Variants in COL25A1 observed in about 807,000 individuals in gnomAD.
COL25A1 encodes the protein collagen type XXV alpha 1 chain, also known as collagen alpha-1(XXV) chain.
In COL25A1, 103 loss-of-function variants were observed where a neutral mutation model predicts 128.4. The observed-to-expected ratio is 0.80, with a 90% CI of 0.68 to 0.94. COL25A1 has a LOEUF of 0.94. COL25A1 is among the 40% of genes least tolerant of loss of function. COL25A1 has a pLI of 0.00. For missense variants in COL25A1, 745 were observed against 840.0 expected (o/e 0.89, Z 1.40); for synonymous variants, 279 against 277.2 (o/e 1.01, Z -0.06).
intron 8 of COL25A1, among the ~76,000 whole-genome samples, chr4:108,950,123 C>G (rs545339367): frequency 6.6e-6 from 1 of 152,234 alleles, no homozygotes; most frequent in South Asian, 2.1e-4. Flanking sequence ...CTGCATCAAG[C>G]TCTTAGACGA....
intron 5 of COL25A1, chr4:109,021,844 C>A (rs1002123530): frequency 7.1e-6 from 3 of 422,350 alleles, no homozygotes; most frequent in Non-Finnish European, 1.4e-5. Context: ...CTGAGATACA[C>A]CCTGGTCTCC....
chr4:109,186,112 C>T (rs917559428), intron 3 of COL25A1, among the ~76,000 whole-genome samples: 1 of 152,152 alleles, frequency 6.6e-6, no homozygotes, highest in Admixed American at 6.5e-5. Context: ...TGTCATTCTT[C>T]CGACCTTCCA....
At chr4:109,071,048 A>G (rs1453494258) in intron 3 of COL25A1, among the ~76,000 whole-genome samples, 3 of 152,150 alleles carry the variant, frequency 2.0e-5, no homozygotes, top group Non-Finnish European at 4.4e-5. Flanking sequence ...TTCAAACTAT[A>G]CCACAAGGCT....
intron 6 of COL25A1, among the ~76,000 whole-genome samples, chr4:109,005,599 G>A (rs769499076): frequency 3.0e-4 from 46 of 152,276 alleles, no homozygotes; most frequent in Middle Eastern, 3.4e-3. Context: ...AATAGAAGTA[G>A]ACCATTATTA....
intron 6 of COL25A1, among the ~76,000 whole-genome samples, chr4:108,985,940 T>G (rs565809956): frequency 2.6e-5 from 4 of 152,368 alleles, no homozygotes; most frequent in African/African-American, 9.6e-5. Context: ...TCTCAATTTC[T>G]GTTGCAAGCC....
At chr4:109,073,134 T>C (rs1560639918) in intron 3 of COL25A1, among the ~76,000 whole-genome samples, 1 of 152,066 alleles carries the variant, frequency 6.6e-6, no homozygotes, top group Non-Finnish European at 1.5e-5. Flanking sequence ...TGTGTGCATG[T>C]GTATGTGTGT....
At chr4:109,238,136 C>G (rs1779594147) in intron 3 of COL25A1, among the ~76,000 whole-genome samples, 1 of 151,984 alleles carries the variant, frequency 6.6e-6, no homozygotes. Context: ...ATACAACTAT[C>G]TCTTTGAGAT....
intron 6 of COL25A1, among the ~76,000 whole-genome samples, chr4:109,009,623 AATTAT>A (rs1429682411): frequency 6.6e-6 from 1 of 152,190 alleles, no homozygotes; most frequent in Non-Finnish European, 1.5e-5. Flanking sequence ...TTCAGTAAAT[AATTAT>A]ATTATTTATA....
chr4:109,244,331 A>G (rs1311594953), intron 3 of COL25A1, among the ~76,000 whole-genome samples: 7 of 152,116 alleles, frequency 4.6e-5, no homozygotes, highest in Non-Finnish European at 8.8e-5. Flanking sequence ...AAGCAGGATG[A>G]TAATATCCTT....
intron 8 of COL25A1, among the ~76,000 whole-genome samples, chr4:108,950,457 A>G (rs983932764): frequency 6.6e-6 from 1 of 152,168 alleles, no homozygotes; most frequent in African/African-American, 2.4e-5. Context: ...CAGTCATGAC[A>G]CACTAGGAGA....
chr4:109,164,488 G>A (rs1223185807), intron 3 of COL25A1, among the ~76,000 whole-genome samples: 1 of 152,144 alleles, frequency 6.6e-6, no homozygotes, highest in African/African-American at 2.4e-5. Flanking sequence ...TGGTTGACTG[G>A]TTGGTTGGTT....
chr4:109,042,613 T>A (rs950624775), intron 5 of COL25A1, among the ~76,000 whole-genome samples: 1 of 152,066 alleles, frequency 6.6e-6, no homozygotes, highest in Non-Finnish European at 1.5e-5. Flanking sequence ...AATACCCTGC[T>A]ATTATAGAAA....
chr4:109,286,936 T>C lies in COL25A1; in HGVS notation c.367+13647A>G, dbSNP rs563058089. Reference sequence around the variant, plus strand: ...GCTCCAATAACTGCCAGAAGGCATCTTGGGGAGGAGTTAAAAATGTGACAG... The same window carrying C: ...GCTCCAATAACTGCCAGAAGGCATCCTGGGGAGGAGTTAAAAATGTGACAG... On this transcript the variant is annotated intron_variant, in intron 3 of 37. Coordinates refer to ENST00000399132, the MANE Select transcript of COL25A1 (RefSeq NM_198721.4). 3.9e-5 allele frequency among the ~76,000 whole-genome samples: 6 copies of C among 152,284 alleles called. No homozygotes were observed. In the East Asian group the frequency reaches 1.2e-3, roughly 29 times the overall value.
At chr4:109,079,943 A>G (rs3113691) in intron 3 of COL25A1, among the ~76,000 whole-genome samples, 35,173 of 151,876 alleles carry the variant, frequency 0.23, 5,270 homozygotes, top group African/African-American at 0.41. Flanking sequence ...ACAGGAAGTG[A>G]GTCAATGGCT....
At chr4:109,217,650 C>T (rs907446001) in intron 3 of COL25A1, among the ~76,000 whole-genome samples, 7 of 152,126 alleles carry the variant, frequency 4.6e-5, no homozygotes, top group African/African-American at 7.2e-5. Context: ...ATTGGTTCCA[C>T]AACCTCCCGA....
chr4:108,905,535 A>AAAT lies in COL25A1; in HGVS notation c.781-4366_781-4364dup, dbSNP rs1015774104. ...TATAATAATAAAAAAATAAAAATAA[A>AAAT]AATAATAATAATAATAATATTACTT... On this transcript the variant is annotated intron_variant, in intron 13 of 37. Coordinates refer to ENST00000399132, the MANE Select transcript of COL25A1 (RefSeq NM_198721.4). Among the ~76,000 whole-genome samples the AAAT allele has an allele frequency of 3.3e-4, 49 of 150,324 alleles. No individual in the cohort carries two copies. The South Asian group carries it at 9.4e-3, about 29-fold the overall frequency.
intron 3 of COL25A1, among the ~76,000 whole-genome samples, chr4:109,077,884 G>A (rs1763516302): frequency 6.6e-6 from 1 of 152,200 alleles, no homozygotes; most frequent in African/African-American, 2.4e-5. Flanking sequence ...CTTTTTGGGT[G>A]ACAGAAATGT....
rs1330544737 is a variant in COL25A1, at chr4:108,809,174, G to A, written c.*4753C>T. The stretch of plus-strand genomic sequence containing the variant: ...CATTTAAAAAAATATGCAGTGTAAT[G>A]CTTGCCAAAATATTTTTTTTTGCAT... On this transcript the variant is annotated 3_prime_UTR_variant, in exon 38 of 38. Transcript: ENST00000399132. 1 of 122,970 alleles carries A rather than the reference G, an allele frequency of 8.1e-6. No homozygotes were observed. The highest frequency in any genetic ancestry group is 2.7e-5 in the African/African-American group (1 of 37,480). The allele number at this position is 122,970 out of a possible 1,614,324, so 7.6% of individuals were successfully genotyped here.
At chr4:109,179,315 A>C (rs927076990) in intron 3 of COL25A1, among the ~76,000 whole-genome samples, 1 of 152,192 alleles carries the variant, frequency 6.6e-6, no homozygotes, top group East Asian at 1.9e-4. Flanking sequence ...CACCTGACAC[A>C]ACAGCTGTTT....
Sources: allele counts gnomAD v4.1 joint callset (sites outside exome capture counted in the v4.1 genomes callset), GRCh38; gene constraint gnomAD v4.1.1; transcripts MANE v1.5; gene names NCBI Gene and HGNC (gene_info 2026-07-23, HGNC 2026-07-21).